FAM161A: variants seen among roughly 807,000 people sequenced by gnomAD.
FAM161A encodes protein FAM161A.
A neutral mutation model predicts 70.9 loss-of-function variants in FAM161A; 57 were observed. The observed-to-expected ratio is 0.80, with a 90% confidence interval of 0.65 to 1.00. The LOEUF (loss-of-function observed/expected upper bound fraction) is 1.00, where lower values mean the gene tolerates loss of function less well. Among genes scored for constraint, FAM161A ranks in the 50% least tolerant of loss-of-function variants. The pLI is 0.00. For synonymous variants in FAM161A, 299 were observed against 295.7 expected (o/e 1.01, Z -0.12); for missense variants, 880 against 836.0 (o/e 1.05, Z -0.65).
chr2:61,849,408 G>A (rs1212717508), intron 1 of FAM161A, among the ~76,000 whole-genome samples: 2 of 151,416 alleles, frequency 1.3e-5, no homozygotes, highest in Non-Finnish European at 2.9e-5. Context: ...GGGAGGCCGA[G>A]GAGGGCGAAT....
chr2:61,830,076 G>T (rs1044378576), intron 5 of FAM161A, among the ~76,000 whole-genome samples: 1 of 152,128 alleles, frequency 6.6e-6, no homozygotes, highest in Admixed American at 6.5e-5. Context: ...CATTGAAAAT[G>T]AGAATAAATG....
intron 5 of FAM161A, among the ~76,000 whole-genome samples, chr2:61,830,906 C>T (rs887562243): frequency 4.0e-5 from 6 of 151,400 alleles, no homozygotes; most frequent in South Asian, 4.2e-4. Context: ...GTCAGGAGTT[C>T]GAGACCAGCC....
intron 1 of FAM161A, among the ~76,000 whole-genome samples, chr2:61,850,374 C>T (rs1395588310): frequency 2.0e-5 from 3 of 151,970 alleles, no homozygotes; most frequent in Non-Finnish European, 4.4e-5. Context: ...CCAGCCTGGG[C>T]AACAAGAGTA....
At chr2:61,827,363 T>G (rs1023340675) in intron 5 of FAM161A, 105 bp from the exon 6 acceptor site, 18 of 1,129,108 alleles carry the variant, frequency 1.6e-5, no homozygotes, top group Non-Finnish European at 2.4e-5. Context: ...GTAATCCCAG[T>G]GCTTTGGGAG....
At position 61,842,227 on chromosome 2, in the gene FAM161A, T is replaced by C; in HGVS notation, c.317A>G (p.His106Arg). 3.1e-6 allele frequency: 5 copies of C among 1,613,544 alleles called. No homozygotes were observed. The highest frequency in any genetic ancestry group is 4.2e-6 in the Non-Finnish European group (5 of 1,179,416). Residue 106 changes from histidine to arginine, a missense_variant, in exon 2 of 7, where the codon CAC becomes CGC. Coordinates refer to ENST00000404929, the MANE Select transcript of FAM161A (RefSeq NM_001201543.2). ...FKKVEELKAA[H>R]IETMAKLEKM... is the part of the protein sequence containing the mutation. The stretch of plus-strand genomic sequence containing the variant: ...CTCTAATTTTGCCATAGTTTCTATG[T>C]GGGCAGCCTTCAACTCTTCTACTTT...
At chr2:61,818,530 A>G in the FAM161A span, among the ~76,000 whole-genome samples, 2 of 152,082 alleles carry the variant, frequency 1.3e-5, no homozygotes, top group Non-Finnish European at 2.9e-5. Flanking sequence ...AAACACACAA[A>G]CCAGCTTGTA....
intron 1 of FAM161A, among the ~76,000 whole-genome samples, chr2:61,845,406 C>T (rs1381271885): frequency 6.6e-6 from 1 of 152,150 alleles, no homozygotes; most frequent in East Asian, 1.9e-4. Flanking sequence ...CAAAAGGGGG[C>T]TGAAACCAGG....
chr2:61,824,565 C>G (rs566374164), downstream of FAM161A, among the ~76,000 whole-genome samples: 1 of 152,182 alleles, frequency 6.6e-6, no homozygotes. Context: ...TTCATCCAGT[C>G]CTTCCTACAG....
chr2:61,850,172 G>A (rs535317011), intron 1 of FAM161A, among the ~76,000 whole-genome samples: 3 of 152,132 alleles, frequency 2.0e-5, no homozygotes, highest in East Asian at 1.9e-4. Flanking sequence ...TGAGGCGGGC[G>A]GATCACCTGA....
Position 61,826,060 on chromosome 2 carries a change from A to G in FAM161A, c.*395T>C, listed in dbSNP as rs1029798900. ...TAATTAAAAATAGTTATTGATTCAC[A>G]CTTTCCAAAATTTTTAAAAAGTAAA... On this transcript the variant is annotated 3_prime_UTR_variant, in exon 7 of 7. Coordinates refer to ENST00000404929, the MANE Select transcript of FAM161A (RefSeq NM_001201543.2). The G allele has an allele frequency of 2.0e-5, 9 of 458,762 alleles. No individual in the cohort carries two copies. The highest frequency in any genetic ancestry group is 1.6e-4 in the African/African-American group (8 of 50,184). 28.4% of individuals were successfully genotyped at this position (458,762 alleles called of 1,614,324 possible). A position where few individuals can be genotyped will look rare whatever the true frequency, so the allele number is the denominator to read the frequency against.
Position 61,839,596 on chromosome 2 carries a change from C to G in FAM161A, c.1408G>C (p.Glu470Gln), listed in dbSNP as rs554664966. 126 of 1,614,170 alleles carry G rather than the reference C, an allele frequency of 7.8e-5. 1 individual carries two copies. The South Asian group carries it at 1.3e-3, about 16-fold the overall frequency. The change falls in exon 3 of 7, where the codon GAA (glutamate) becomes CAA (glutamine). Residue 470 changes from glutamate (E) to glutamine (Q), a missense_variant. Physicochemically the swap from Glu to Gln is conservative, Grantham distance 29. Transcript: ENST00000404929. ...HASPHASIKR[E>Q]KILADIEADE... ...GCTTCGATGTCTGCCAAAATTTTTT[C>G]TCTTTTAATAGATGCATGTGGAGAT...
At chr2:61,849,783 CA>C (rs764962950) in intron 1 of FAM161A, among the ~76,000 whole-genome samples, 730 of 53,546 alleles carry the variant, frequency 0.014, 5 homozygotes, top group Middle Eastern at 0.026. Context: ...GACTCCATCA[CA>C]AAAAAAAAAA....
intron 5 of FAM161A, among the ~76,000 whole-genome samples, chr2:61,833,121 T>C (rs2091589): frequency 6.6e-6 from 1 of 151,334 alleles, no homozygotes; most frequent in Non-Finnish European, 1.5e-5. Context: ...CAAGAAAAAA[T>C]TTTTTTAAAG....
chr2:61,818,835 G>A, the FAM161A span, among the ~76,000 whole-genome samples: 3 of 152,194 alleles, frequency 2.0e-5, no homozygotes, highest in Non-Finnish European at 4.4e-5. Context: ...TGTTCACACC[G>A]TGTCAAGTAT....
intron 5 of FAM161A, 164 bp downstream of exon 5, chr2:61,835,846 G>T: frequency 1.5e-6 from 1 of 650,302 alleles, no homozygotes; most frequent in Non-Finnish European, 2.8e-6. Flanking sequence ...TCGGATTTAA[G>T]CAAAATTACT....
chr2:61,828,103 A>G (rs929691870), intron 5 of FAM161A, among the ~76,000 whole-genome samples: 2 of 152,232 alleles, frequency 1.3e-5, no homozygotes, highest in South Asian at 2.1e-4. Context: ...TGAAAGTTAG[A>G]ATGGTGGTTA....
chr2:61,801,592 G>A, the FAM161A span, among the ~76,000 whole-genome samples: 1 of 148,780 alleles, frequency 6.7e-6, no homozygotes. Context: ...TTGAGATAGA[G>A]TTTCGCTCTT....
intron 1 of FAM161A, among the ~76,000 whole-genome samples, 181 bp downstream of exon 1, chr2:61,853,678 C>A (rs989143407): frequency 2.0e-5 from 3 of 152,180 alleles, no homozygotes; most frequent in African/African-American, 7.2e-5. Flanking sequence ...TTTTCAACGC[C>A]TCGATTTAGA....
the FAM161A span, among the ~76,000 whole-genome samples, chr2:61,807,283 G>A: frequency 2.0e-5 from 3 of 150,368 alleles, no homozygotes; most frequent in Non-Finnish European, 4.4e-5. Context: ...CCCAACTTGA[G>A]CAAATAAAGA....
Sources: gnomAD v4.1 joint callset for allele counts (sites outside exome capture counted in the v4.1 genomes callset) on GRCh38, gnomAD v4.1.1 for gene constraint, MANE v1.5 for transcripts, NCBI Gene and HGNC (gene_info 2026-07-23, HGNC 2026-07-21) for gene names.